Variants in MUL1 observed in about 807,000 individuals in gnomAD.
MUL1 encodes mitochondrial E3 ubiquitin protein ligase 1.
In MUL1, 30 loss-of-function variants were observed where a neutral mutation model predicts 34.1. That is an observed-to-expected ratio of 0.88 (90% confidence interval 0.66 to 1.19). The LOEUF (loss-of-function observed/expected upper bound fraction) is 1.19, where lower values mean the gene tolerates loss of function less well. MUL1 is among the 50% of genes most tolerant of loss of function. The pLI is 0.00. For missense variants in MUL1, 419 were observed against 450.5 expected (o/e 0.93, Z 0.63); for synonymous variants, 191 against 187.8 (o/e 1.02, Z -0.14).
intron 1 of MUL1, among the ~76,000 whole-genome samples, chr1:20,505,252 C>T (rs1460219913): frequency 1.3e-5 from 2 of 152,076 alleles, no homozygotes; most frequent in African/African-American, 2.4e-5. Flanking sequence ...CAGGATAGGA[C>T]ACAAGCCCCT....
intron 1 of MUL1, among the ~76,000 whole-genome samples, chr1:20,506,907 T>C (rs987335877): frequency 6.8e-6 from 1 of 147,888 alleles, no homozygotes; most frequent in Non-Finnish European, 1.5e-5. Context: ...GGAAAAAAAA[T>C]TATTGTTAAG....
Position 20,508,048 on chromosome 1 carries a change from G to A in MUL1, c.-24C>T, listed in dbSNP as rs762509997. The A allele has an allele frequency of 1.3e-6, 2 of 1,573,832 alleles. No homozygotes were observed. Among genetic ancestry groups the A allele is most frequent in the South Asian group, 1.2e-5 (1 of 85,664 alleles). On this transcript the variant is annotated 5_prime_UTR_variant, in exon 1 of 4. Coordinates refer to ENST00000264198, the MANE Select transcript of MUL1 (RefSeq NM_024544.3). ...ATGACGGCGGCGAGCCCCGGTGGCCGACTGTGGCGCCAAGGATAGGCCTGG... is the reference window on the plus strand; with the variant it reads ...ATGACGGCGGCGAGCCCCGGTGGCCAACTGTGGCGCCAAGGATAGGCCTGG...
Position 20,500,483 on chromosome 1 carries a change from C to T in MUL1, c.*207G>A. On this transcript the variant is annotated 3_prime_UTR_variant, in exon 4 of 4. Coordinates refer to ENST00000264198, the MANE Select transcript of MUL1 (RefSeq NM_024544.3). ...CCAGGGTGAGGCTCTGATGAGGCTG[C>T]ACATGGACAGGGTCCCCTCTCAGGT... 1 of 588,292 alleles carries T rather than the reference C, an allele frequency of 1.7e-6. No individual in the cohort carries two copies. The highest frequency in any genetic ancestry group is 2.8e-6 in the Non-Finnish European group (1 of 353,346). 36.4% of individuals were successfully genotyped at this position (588,292 alleles called of 1,614,324 possible). A position where few individuals can be genotyped will look rare whatever the true frequency, so the allele number is the denominator to read the frequency against.
At chr1:20,505,520 C>T (rs1359486351) in intron 1 of MUL1, among the ~76,000 whole-genome samples, 4 of 134,916 alleles carry the variant, frequency 3.0e-5, no homozygotes, top group Non-Finnish European at 3.1e-5. Context: ...GAGCTCGAGG[C>T]TGCAATGAGC....
At chr1:20,507,477 G>A (rs1024323186) in intron 1 of MUL1, among the ~76,000 whole-genome samples, 10 of 152,100 alleles carry the variant, frequency 6.6e-5, no homozygotes, top group African/African-American at 2.4e-4. Flanking sequence ...CCTTTCTCCA[G>A]CATTCCATGT....
At chr1:20,502,262 T>G in intron 2 of MUL1, 73 bp from the exon 3 acceptor site, 1 of 1,600,236 alleles carries the variant, frequency 6.2e-7, no homozygotes, top group East Asian at 2.2e-5. Flanking sequence ...TAAAATGTGT[T>G]TTCTGGTCTG....
intron 2 of MUL1, 118 bp from the exon 3 acceptor site, chr1:20,502,307 G>T: frequency 7.2e-7 from 1 of 1,385,052 alleles, no homozygotes; most frequent in Non-Finnish European, 9.9e-7. Context: ...CCAACACTTT[G>T]GGAAGCCAAG....
Position 20,508,079 on chromosome 1 carries a change from C to T in MUL1, c.-55G>A. ...GGCGCCAAGGATAGGCCTGGTGACCCCCGACTCTCCACCTCCTTCCGACCA... is the reference window on the plus strand; with the variant it reads ...GGCGCCAAGGATAGGCCTGGTGACCTCCGACTCTCCACCTCCTTCCGACCA... On this transcript the variant is annotated 5_prime_UTR_variant, in exon 1 of 4. Transcript: ENST00000264198. The T allele has an allele frequency of 6.4e-7, 1 of 1,552,878 alleles. No individual in the cohort carries two copies. Among genetic ancestry groups the T allele is most frequent in the South Asian group, 1.2e-5 (1 of 84,218 alleles).
At chr1:20,502,854 T>A (rs1435759544) in intron 2 of MUL1, among the ~76,000 whole-genome samples, 4 of 152,110 alleles carry the variant, frequency 2.6e-5, no homozygotes, top group East Asian at 1.9e-4. Flanking sequence ...ATTTTTTTTT[T>A]AATTTAAAAA....
chr1:20,504,256 C>G (rs2051692067), intron 1 of MUL1, among the ~76,000 whole-genome samples: 1 of 152,170 alleles, frequency 6.6e-6, no homozygotes, highest in Non-Finnish European at 1.5e-5. Flanking sequence ...CCCTAGTTCT[C>G]CTCTGCCTTC....
rs1254215451 is a variant in MUL1, at chr1:20,507,942, A to C, written c.83T>G (p.Val28Gly). 1 of 1,597,658 alleles carries C rather than the reference A, an allele frequency of 6.3e-7. No individual in the cohort carries two copies. The highest frequency in any genetic ancestry group is 1.8e-5 in the Admixed American group (1 of 57,078). The change falls in exon 1 of 4, where the codon GTG becomes GGG. Residue 28 changes from valine (V) to glycine (G), a missense_variant. Coordinates refer to ENST00000264198, the MANE Select transcript of MUL1 (RefSeq NM_024544.3). ...TSVVTAALYS[V>G]YRQKARVSQE... ...GGAGACCCGGGCCTTCTGCCGGTAC[A>C]CGGAGTACAGGGCGGCGGTGACCAC...
In MUL1 at chr1:20,499,560, A is replaced by G. The variant is rs1015213717; in HGVS notation, c.*1130T>C. The G allele has an allele frequency of 2.6e-5, 4 of 152,262 alleles. No homozygotes were observed. The highest frequency in any genetic ancestry group is 6.5e-5 in the Admixed American group (1 of 15,288). 9.4% of individuals were successfully genotyped at this position (152,262 alleles called of 1,614,324 possible). A position where few individuals can be genotyped will look rare whatever the true frequency, so the allele number is the denominator to read the frequency against. ...GCACAAAGGAGGACGAGAGATGAAC[A>G]TTCAGAGGCAGAAAAGGGCAATAAA... On this transcript the variant is annotated 3_prime_UTR_variant, in exon 4 of 4. Coordinates refer to ENST00000264198, the MANE Select transcript of MUL1 (RefSeq NM_024544.3).
At chr1:20,503,703 C>T (rs1365455307) in intron 1 of MUL1, among the ~76,000 whole-genome samples, 1 of 152,138 alleles carries the variant, frequency 6.6e-6, no homozygotes, top group Non-Finnish European at 1.5e-5. Context: ...AAGTACCTAA[C>T]CTATCACCTA....
rs1293106955 is a variant in MUL1, at chr1:20,503,286, A to G, written c.144T>C (p.Gly48=). 6.2e-7 allele frequency: 1 copy of G among 1,603,470 alleles called. No individual in the cohort carries two copies. Among genetic ancestry groups the G allele is most frequent in the Non-Finnish European group, 8.5e-7 (1 of 1,175,934 alleles). Residue 48 remains glycine, a synonymous_variant, in exon 2 of 4, where the codon GGT becomes GGC. Coordinates refer to ENST00000264198, the MANE Select transcript of MUL1 (RefSeq NM_024544.3). ...ELKGAKKVHL[G]EDLKSILSEA... is the part of the protein sequence containing the mutation. ...CTGAAAGAATACTCTTTAAATCTTC[A>G]CCCAAATGAACTTTTTTAGCTCCCT...
At chr1:20,503,675 C>T (rs1033721322) in intron 1 of MUL1, among the ~76,000 whole-genome samples, 23 of 152,188 alleles carry the variant, frequency 1.5e-4, no homozygotes, top group Non-Finnish European at 1.5e-5. Flanking sequence ...GAGCTATGAT[C>T]CAAAGGGTTC....
rs1266261627 is a variant in MUL1, at chr1:20,501,353, C to T, written c.396G>A (p.Glu132=). Residue 132 remains glutamate, a synonymous_variant, in exon 4 of 4, where the codon GAG becomes GAA. Coordinates refer to ENST00000264198, the MANE Select transcript of MUL1 (RefSeq NM_024544.3). The surrounding 1 kb of genome is among the most constrained non-coding windows in gnomAD (Gnocchi z 4.2). ...CTCGCACAGCCACATCCACGCCATCCTCGTGGGGCACCAGGTCAAAGGGCA... is the reference window on the plus strand; with the variant it reads ...CTCGCACAGCCACATCCACGCCATCTTCGTGGGGCACCAGGTCAAAGGGCA... ...NTVPFDLVPH[E]DGVDVAVRVL... is the part of the protein sequence containing the mutation. 3.1e-6 allele frequency: 5 copies of T among 1,614,174 alleles called. No individual in the cohort carries two copies. Among genetic ancestry groups the T allele is most frequent in the Non-Finnish European group, 4.2e-6 (5 of 1,180,024 alleles).
chr1:20,503,737 T>G (rs950526153), intron 1 of MUL1, among the ~76,000 whole-genome samples: 2 of 152,208 alleles, frequency 1.3e-5, no homozygotes, highest in African/African-American at 4.8e-5. Flanking sequence ...GTTTGAGAAC[T>G]GGTAGGTGTT....
chr1:20,502,008 G>A (rs1313585478), intron 3 of MUL1, 61 bp downstream of exon 3: 2 of 1,605,554 alleles, frequency 1.2e-6, no homozygotes, highest in Admixed American at 3.3e-5. Flanking sequence ...CAGCACCCAG[G>A]ACCCCAGCAT....
rs2051649889 is a variant in MUL1, at chr1:20,500,835, C to A, written c.914G>T (p.Cys305Phe). ...RESLKSACVVCLSSFKSCVFL... is the reference protein window; with the variant it reads ...RESLKSACVVFLSSFKSCVFL... ...GACGCAGGACTTGAAGCTGCTCAGA[C>A]ACACTACACAGGCGCTCTTCAGACT... The change falls in exon 4 of 4, where the codon TGT (cysteine) becomes TTT (phenylalanine). Residue 305 changes from cysteine to phenylalanine, a missense_variant. Coordinates refer to ENST00000264198, the MANE Select transcript of MUL1 (RefSeq NM_024544.3). 6.2e-7 allele frequency: 1 copy of A among 1,614,036 alleles called. No homozygotes were observed. Among genetic ancestry groups the A allele is most frequent in the African/African-American group, 1.3e-5 (1 of 74,928 alleles).
Sources: gnomAD v4.1 joint callset for allele counts (sites outside exome capture counted in the v4.1 genomes callset) on GRCh38, gnomAD v4.1.1 for gene constraint, Gnocchi (gnomAD v3.1) non-coding constraint, MANE v1.5 for transcripts, NCBI Gene and HGNC (gene_info 2026-07-23, HGNC 2026-07-21) for gene names.